TVP23B: variants seen among roughly 807,000 people sequenced by gnomAD.
The protein encoded by TVP23B is Golgi apparatus membrane protein TVP23 homolog B.
In TVP23B, 10 loss-of-function variants were observed where a neutral mutation model predicts 30.6. The observed-to-expected ratio is 0.33, with a 90% confidence interval of 0.20 to 0.55. The LOEUF (loss-of-function observed/expected upper bound fraction) is 0.55. TVP23B is among the 20% of genes least tolerant of loss of function. The pLI is 0.91. For synonymous variants in TVP23B, 67 were observed against 83.1 expected (o/e 0.81, Z 1.06); for missense variants, 153 against 243.2 (o/e 0.63, Z 2.47).
chr17:18,792,489 TTC>T (rs1413511174), intron 3 of TVP23B, among the ~76,000 whole-genome samples: 4 of 152,346 alleles, frequency 2.6e-5, no homozygotes, highest in Admixed American at 1.3e-4. Flanking sequence ...TTTGAATTTC[TTC>T]TGTTACTTTA....
intron 3 of TVP23B, among the ~76,000 whole-genome samples, chr17:18,793,544 C>T (rs1427505592): frequency 6.8e-6 from 1 of 147,788 alleles, no homozygotes; most frequent in Non-Finnish European, 1.5e-5. Flanking sequence ...TGCAGTGAGC[C>T]GAGATTGCGC....
intron 5 of TVP23B, among the ~76,000 whole-genome samples, chr17:18,803,296 C>CT (rs1452934565): frequency 6.6e-6 from 1 of 152,184 alleles, no homozygotes. Flanking sequence ...TATATATTGT[C>CT]TATGGCTGCC....
chr17:18,786,195 G>C (rs1373476886), intron 1 of TVP23B, among the ~76,000 whole-genome samples: 13 of 152,144 alleles, frequency 8.5e-5, no homozygotes, highest in Non-Finnish European at 1.8e-4. Context: ...GGGTAATCCA[G>C]GATGATCTCT....
chr17:18,784,608 G>A (rs1274390940), intron 1 of TVP23B, among the ~76,000 whole-genome samples: 1 of 152,096 alleles, frequency 6.6e-6, no homozygotes, highest in Non-Finnish European at 1.5e-5. Flanking sequence ...CCAAGATCAC[G>A]CCATTGCACT....
chr17:18,802,112 C>T (rs1337271570), intron 5 of TVP23B, among the ~76,000 whole-genome samples: 3 of 152,114 alleles, frequency 2.0e-5, no homozygotes, highest in Non-Finnish European at 2.9e-5. Context: ...GTCCCAGTTA[C>T]TCGGGAGGCT....
chr17:18,793,880 A>G (rs1342741436), intron 3 of TVP23B, among the ~76,000 whole-genome samples: 1 of 152,204 alleles, frequency 6.6e-6, no homozygotes, highest in Non-Finnish European at 1.5e-5. Context: ...ATCTAACAAC[A>G]TTAATGACAT....
At chr17:18,796,158 G>C (rs1318338688) in intron 3 of TVP23B, 1 of 151,760 alleles carries the variant, frequency 6.6e-6, no homozygotes, top group East Asian at 1.9e-4. Context: ...TATTGTGTCA[G>C]GGTGTTTTTA....
intron 6 of TVP23B, 100 bp from the exon 7 acceptor site, chr17:18,805,441 A>G: frequency 1.3e-6 from 2 of 1,558,414 alleles, no homozygotes; most frequent in Non-Finnish European, 1.7e-6. Flanking sequence ...TGCTCTGCTT[A>G]GAAATATAGA....
chr17:18,799,831 AT>A (rs2036130663), intron 5 of TVP23B, among the ~76,000 whole-genome samples: 1 of 151,698 alleles, frequency 6.6e-6, no homozygotes, highest in Admixed American at 6.6e-5. Context: ...TTTCCTCCTA[AT>A]TTGTAGTATT....
intron 1 of TVP23B, among the ~76,000 whole-genome samples, chr17:18,788,880 AAAG>A: frequency 6.6e-6 from 1 of 152,012 alleles, no homozygotes; most frequent in Non-Finnish European, 1.5e-5. Context: ...GGAGGCATGA[AAAG>A]AAGTTATTCT....
chr17:18,781,270 A>T lies in TVP23B; in HGVS notation c.-24A>T, dbSNP rs772114208. On this transcript the variant is annotated 5_prime_UTR_variant, in exon 1 of 7. Coordinates refer to ENST00000307767, the MANE Select transcript of TVP23B (RefSeq NM_016078.6). The stretch of plus-strand genomic sequence containing the variant: ...GCTGCTGCGCTGACGTGGCTCCCGG[A>T]AGTAGGGCTGGCGTAGGGCCGCCAT... The T allele has an allele frequency of 5.7e-6, 9 of 1,566,712 alleles. No homozygotes were observed. The East Asian group carries it at 1.9e-4, about 33-fold the overall frequency.
intron 1 of TVP23B, among the ~76,000 whole-genome samples, chr17:18,785,007 C>T (rs1243250283): frequency 2.0e-5 from 3 of 152,204 alleles, no homozygotes; most frequent in African/African-American, 7.2e-5. Context: ...TTAAAATGTA[C>T]TTGGAATCTA....
chr17:18,798,669 C>T, intron 4 of TVP23B, 143 bp from the exon 5 acceptor site: 1 of 1,148,768 alleles, frequency 8.7e-7, no homozygotes, highest in Non-Finnish European at 1.2e-6. Context: ...GAGTGATAGT[C>T]ATGTATTTTT....
chr17:18,783,282 T>C (rs1478448845), intron 1 of TVP23B, among the ~76,000 whole-genome samples: 1 of 152,048 alleles, frequency 6.6e-6, no homozygotes, highest in Non-Finnish European at 1.5e-5. Flanking sequence ...ATTTTTGTAT[T>C]TTTAGTAGAG....
chr17:18,797,026 A>G (rs2151849408), intron 3 of TVP23B: 1 of 155,552 alleles, frequency 6.4e-6, no homozygotes, highest in East Asian at 1.9e-4. Flanking sequence ...TTCCCTGAGG[A>G]AGGAGTTGGT....
chr17:18,804,572 A>G lies in TVP23B; in HGVS notation c.591+306A>G, dbSNP rs113567895. 7.4e-6 allele frequency: 9 copies of G among 1,212,050 alleles called. No individual in the cohort carries two copies. The African/African-American group carries it at 9.8e-5, about 13-fold the overall frequency. 75.1% of individuals were successfully genotyped at this position (1,212,050 alleles called of 1,614,324 possible). A position where few individuals can be genotyped will look rare whatever the true frequency, so the allele number is the denominator to read the frequency against. ...GGGAGCTTTAAGTGAATGCCCTTGC[A>G]GAATGTATGTTGTATGTTTTTTTTT... On this transcript the variant is annotated intron_variant, in intron 6 of 6. Transcript: ENST00000307767.
chr17:18,799,881 T>A (rs2036132289), intron 5 of TVP23B, among the ~76,000 whole-genome samples: 1 of 152,124 alleles, frequency 6.6e-6, no homozygotes, highest in Non-Finnish European at 1.5e-5. Context: ...CTTTTTTTCT[T>A]TGTGTGTGCT....
intron 3 of TVP23B, among the ~76,000 whole-genome samples, chr17:18,793,946 C>G (rs2151847829): frequency 6.6e-6 from 1 of 152,008 alleles, no homozygotes; most frequent in Non-Finnish European, 1.5e-5. Flanking sequence ...CAAAAAGAAA[C>G]TTGGCATTGT....
At chr17:18,788,093 A>AT (rs55990165) in intron 1 of TVP23B, among the ~76,000 whole-genome samples, 120,829 of 150,832 alleles carry the variant, frequency 0.8, 48,529 homozygotes, top group East Asian at 0.88. Flanking sequence ...AATCCCAGCA[A>AT]TGGGAGGCCG....
Sources: gnomAD v4.1 joint callset for allele counts (sites outside exome capture counted in the v4.1 genomes callset) on GRCh38, gnomAD v4.1.1 for gene constraint, MANE v1.5 for transcripts, NCBI Gene and HGNC (gene_info 2026-07-23, HGNC 2026-07-21) for gene names.